The following MBD5 variants were observed in gnomAD, a reference collection of about 807,000 sequenced individuals.
MBD5 encodes methyl-CpG-binding domain protein 5.
MBD5 carries 13 observed loss-of-function variants against 117.3 expected under a neutral mutation model. The ratio of observed to expected loss-of-function variants is 0.11; its 90% CI spans 0.07 to 0.18. MBD5 has a LOEUF of 0.18. Among genes scored for constraint, MBD5 ranks in the 10% least tolerant of loss-of-function variants. The pLI, the probability that MBD5 is intolerant of heterozygous loss-of-function variation, is 1.00. For missense variants in MBD5, 1,879 were observed against 2,093.8 expected (o/e 0.90, Z 2.00); for synonymous variants, 727 against 766.4 (o/e 0.95, Z 0.85).
At chr2:148,283,831 C>T (rs1701306325) in intron 3 of MBD5, among the ~76,000 whole-genome samples, 1 of 152,210 alleles carries the variant, frequency 6.6e-6, no homozygotes, top group Non-Finnish European at 1.5e-5. Context: ...TAGCTACACT[C>T]AGCTGCTTTA....
At chr2:148,455,667 T>C (rs1706858225) in intron 4 of MBD5, among the ~76,000 whole-genome samples, 1 of 151,816 alleles carries the variant, frequency 6.6e-6, no homozygotes, top group South Asian at 2.1e-4. Flanking sequence ...CAGGAATCAC[T>C]ACAATGTTAT....
Position 148,458,537 on chromosome 2 carries a change from T to C in MBD5, c.-222T>C. 3.3e-6 allele frequency: 2 copies of C among 603,990 alleles called. No individual in the cohort carries two copies. The highest frequency in any genetic ancestry group is 5.5e-5 in the East Asian group (2 of 36,406). 37.4% of individuals were successfully genotyped at this position (603,990 alleles called of 1,614,324 possible). On this transcript the variant is annotated 5_prime_UTR_variant, in exon 5 of 14. Transcript: ENST00000642680. ...ATGTAGACCATCCTTAGGAATTAAA[T>C]ATTGGTTATTTAATGTAGATTATAA...
chr2:148,027,557 T>C (rs1693933438), intron 1 of MBD5: 2 of 152,116 alleles, frequency 1.3e-5, no homozygotes, highest in African/African-American at 2.4e-5. Context: ...CTGAAACTTT[T>C]TGAGCACTGA....
At chr2:148,042,807 C>T (rs1234100868) in intron 1 of MBD5, among the ~76,000 whole-genome samples, 1 of 152,130 alleles carries the variant, frequency 6.6e-6, no homozygotes, top group East Asian at 1.9e-4. Context: ...AAGGACCTAA[C>T]CAGTGTTGCT....
chr2:148,364,332 C>T (rs926357016), intron 4 of MBD5, among the ~76,000 whole-genome samples: 20 of 152,290 alleles, frequency 1.3e-4, no homozygotes, highest in African/African-American at 4.8e-4. Context: ...CTTACAAGAG[C>T]TCCTGAAGGA....
At chr2:148,049,772 A>G (rs1222002555) in intron 1 of MBD5, among the ~76,000 whole-genome samples, 2 of 152,152 alleles carry the variant, frequency 1.3e-5, no homozygotes, top group African/African-American at 2.4e-5. Flanking sequence ...CTAACTATAT[A>G]GATTTGCTTA....
intron 2 of MBD5, among the ~76,000 whole-genome samples, chr2:148,199,236 C>T (rs994006045): frequency 6.6e-6 from 1 of 152,094 alleles, no homozygotes; most frequent in African/African-American, 2.4e-5. Flanking sequence ...GGAAGATAAT[C>T]TCCTTTACCT....
In MBD5 at chr2:148,510,090, T is replaced by C; in HGVS notation, c.5067T>C (p.Ala1689=). The C allele has an allele frequency of 5.0e-6, 8 of 1,613,104 alleles. No individual in the cohort carries two copies. The highest frequency in any genetic ancestry group is 5.9e-6 in the Non-Finnish European group (7 of 1,179,206). ...GAAAGCTAAATAACCATTTAGAAGC[T>C]GCTATTCATGAGGCCATGAGTGAAC... The part of the protein sequence containing the change: ...KSGKLNNHLE[A]AIHEAMSELD... The change falls in exon 13 of 14, where the codon GCT becomes GCC. Residue 1689 remains alanine (A), a synonymous_variant. Coordinates refer to ENST00000642680, the MANE Select transcript of MBD5 (RefSeq NM_001378120.1).
intron 4 of MBD5, among the ~76,000 whole-genome samples, chr2:148,379,722 G>C (rs1704081685): frequency 6.6e-6 from 1 of 151,790 alleles, no homozygotes; most frequent in Admixed American, 6.6e-5. Flanking sequence ...TAAAATGTTA[G>C]ACAAAAATTG....
In MBD5 at chr2:148,470,100, T is replaced by C; in HGVS notation, c.2157T>C (p.Ser719=). The C allele has an allele frequency of 1.2e-6, 2 of 1,613,856 alleles. No homozygotes were observed. The highest frequency in any genetic ancestry group is 1.7e-6 in the Non-Finnish European group (2 of 1,179,876). Residue 719 remains serine (S), a synonymous_variant, in exon 8 of 14, where the codon AGT becomes AGC. Transcript: ENST00000642680. ...SCQSSHLSSN[S]TPGCGASNTA... ...AAAGCTCTCACTTGAGTAGCAATAG[T>C]ACCCCGGGTTGTGGGGCCTCAAATA...
chr2:148,208,964 A>G (rs1178090806), intron 2 of MBD5, among the ~76,000 whole-genome samples: 1 of 152,054 alleles, frequency 6.6e-6, no homozygotes, highest in Non-Finnish European at 1.5e-5. Context: ...GATTGATTAA[A>G]CACCGTTATA....
intron 2 of MBD5, among the ~76,000 whole-genome samples, chr2:148,224,509 ATTTTT>A (rs34659671): frequency 5.2e-5 from 3 of 58,136 alleles, no homozygotes; most frequent in Admixed American, 2.3e-4. Flanking sequence ...CGCCTGGCTA[ATTTTT>A]TTTTTTTTTT....
intron 4 of MBD5, among the ~76,000 whole-genome samples, chr2:148,352,784 G>C (rs1468308175): frequency 6.6e-6 from 1 of 152,042 alleles, no homozygotes; most frequent in African/African-American, 2.4e-5. Flanking sequence ...TCAGATTTCA[G>C]ATTTTTGGAA....
At chr2:148,056,445 T>C (rs570385362) in intron 1 of MBD5, among the ~76,000 whole-genome samples, 1 of 152,116 alleles carries the variant, frequency 6.6e-6, no homozygotes, top group Admixed American at 6.5e-5. Flanking sequence ...CTTTAATTAT[T>C]ACTCTTTTTT....
At chr2:148,464,139 A>G (rs574919037) in intron 7 of MBD5, among the ~76,000 whole-genome samples, 2 of 152,336 alleles carry the variant, frequency 1.3e-5, no homozygotes, top group African/African-American at 4.8e-5. Flanking sequence ...TCAGTTTAAC[A>G]GGCAGAATAA....
At chr2:148,421,089 A>G (rs1465756483) in intron 4 of MBD5, among the ~76,000 whole-genome samples, 2 of 152,174 alleles carry the variant, frequency 1.3e-5, no homozygotes, top group East Asian at 1.9e-4. Flanking sequence ...TGTGATCACT[A>G]TCCTCAAATT....
intron 1 of MBD5, among the ~76,000 whole-genome samples, chr2:148,097,318 C>T (rs1473932903): frequency 3.3e-5 from 5 of 152,132 alleles, no homozygotes; most frequent in African/African-American, 1.2e-4. Context: ...TTCATTCATA[C>T]AGTGAATAGT....
Position 148,296,864 on chromosome 2 carries a change from A to ATTT in MBD5, c.-679-45332_-679-45330dup, listed in dbSNP as rs757371602. 6.7e-4 allele frequency among the ~76,000 whole-genome samples: 41 copies of ATTT among 61,328 alleles called. 7 individuals are homozygous for ATTT. The highest frequency in any genetic ancestry group is 1.8e-3 in the African/African-American group (33 of 17,838). The allele number at this position is 61,328 out of a possible 152,430, so 40.2% of individuals were successfully genotyped here. A position where few individuals can be genotyped will look rare whatever the true frequency, so the allele number is the denominator to read the frequency against. On this transcript the variant is annotated intron_variant, in intron 3 of 13. Transcript: ENST00000642680. ...AAGCATAGTTTGCTTTAGTTCTTCA[A>ATTT]TTTTTTTTTTTTTTTTTTTTGGAGA...
chr2:148,043,276 AAAATAAAAAAAT>A (rs1024629511), intron 1 of MBD5, among the ~76,000 whole-genome samples: 3 of 150,320 alleles, frequency 2.0e-5, no homozygotes, highest in Admixed American at 6.6e-5. Flanking sequence ...ATACAAAAAA[AAAATAAAAAAAT>A]AAATAAATAA....
Sources: gnomAD v4.1 joint callset for allele counts (sites outside exome capture counted in the v4.1 genomes callset) on GRCh38, gnomAD v4.1.1 for gene constraint, MANE v1.5 for transcripts, NCBI Gene and HGNC (gene_info 2026-07-23, HGNC 2026-07-21) for gene names.